Variants in EPHA6 observed in about 807,000 individuals in gnomAD.
EPHA6 encodes ephrin type-A receptor 6.
Under a neutral mutation model 112.0 loss-of-function variants are expected in EPHA6, and 50 were observed. That is an observed-to-expected ratio of 0.45 (90% CI 0.36 to 0.56). EPHA6 has a LOEUF of 0.56. Among genes scored for constraint, EPHA6 ranks in the 20% least tolerant of loss-of-function variants. The pLI is 0.00. For missense variants in EPHA6, 1,280 were observed against 1,417.4 expected (o/e 0.90, Z 1.56); for synonymous variants, 529 against 490.7 (o/e 1.08, Z -1.03).
chr3:97,223,298 T>C (rs1396564664), intron 3 of EPHA6, among the ~76,000 whole-genome samples: 1 of 152,198 alleles, frequency 6.6e-6, no homozygotes, highest in Non-Finnish European at 1.5e-5. Flanking sequence ...TGAAGTTCTT[T>C]GGAGTGGGGA....
At chr3:97,356,413 A>G (rs905958585) in intron 5 of EPHA6, among the ~76,000 whole-genome samples, 4 of 152,210 alleles carry the variant, frequency 2.6e-5, no homozygotes, top group Non-Finnish European at 5.9e-5. Context: ...CCCCCATTCC[A>G]TGGAAAAATT....
At chr3:96,875,964 A>G (rs1341389390) in intron 2 of EPHA6, among the ~76,000 whole-genome samples, 4 of 151,428 alleles carry the variant, frequency 2.6e-5, no homozygotes. Flanking sequence ...AATATAAACT[A>G]AGATTCTGAT....
chr3:97,614,298 C>T (rs1412822363), intron 13 of EPHA6, among the ~76,000 whole-genome samples: 1 of 149,884 alleles, frequency 6.7e-6, no homozygotes, highest in Non-Finnish European at 1.5e-5. Context: ...GGTTTCAGTG[C>T]AAGATGGTGT....
chr3:96,982,432 A>G (rs1040012499), intron 2 of EPHA6, among the ~76,000 whole-genome samples: 6 of 152,164 alleles, frequency 3.9e-5, no homozygotes, highest in African/African-American at 1.4e-4. Context: ...GTTTGTTATA[A>G]TTTCTGTTCT....
At chr3:96,906,318 T>C (rs114477277) in intron 2 of EPHA6, among the ~76,000 whole-genome samples, 2 of 152,120 alleles carry the variant, frequency 1.3e-5, no homozygotes, top group African/African-American at 4.8e-5. Flanking sequence ...AACACTGTTA[T>C]GTGAAATGGG....
At chr3:97,533,390 A>G (rs1185823904) in intron 11 of EPHA6, among the ~76,000 whole-genome samples, 1 of 152,102 alleles carries the variant, frequency 6.6e-6, no homozygotes, top group Non-Finnish European at 1.5e-5. Flanking sequence ...CTTACTAAAG[A>G]GGTGCAATTG....
At chr3:97,600,370 T>A (rs1420099960) in intron 12 of EPHA6, among the ~76,000 whole-genome samples, 1 of 150,602 alleles carries the variant, frequency 6.6e-6, no homozygotes, top group Non-Finnish European at 1.5e-5. Context: ...TGCTTCCAGT[T>A]TTTGCCCATT....
chr3:97,459,035 A>T (rs536582593), intron 7 of EPHA6, among the ~76,000 whole-genome samples: 3 of 152,330 alleles, frequency 2.0e-5, no homozygotes, highest in African/African-American at 7.2e-5. Context: ...GAAAGCTGCC[A>T]AAAGGTAACG....
chr3:97,179,761 C>CTT (rs1214540454), intron 3 of EPHA6, among the ~76,000 whole-genome samples: 81 of 142,762 alleles, frequency 5.7e-4, no homozygotes, highest in East Asian at 2.4e-3. Context: ...CTCTCTCTCT[C>CTT]CTGAACCACT....
At chr3:97,497,562 T>C (rs934827945) in intron 10 of EPHA6, among the ~76,000 whole-genome samples, 1 of 152,186 alleles carries the variant, frequency 6.6e-6, no homozygotes, top group Admixed American at 6.6e-5. Flanking sequence ...ATTGTCTGTC[T>C]TCCCTTTCTC....
chr3:97,506,810 T>C (rs187610097), intron 10 of EPHA6, among the ~76,000 whole-genome samples: 25 of 152,340 alleles, frequency 1.6e-4, no homozygotes, highest in Admixed American at 7.2e-4. Flanking sequence ...GAGCATGGAA[T>C]GTTTTTCCAT....
chr3:97,019,542 T>A (rs1246780655), intron 3 of EPHA6, among the ~76,000 whole-genome samples: 2 of 152,188 alleles, frequency 1.3e-5, no homozygotes, highest in African/African-American at 2.4e-5. Context: ...CCTCATTTCC[T>A]TCTCACTGTG....
At chr3:97,078,472 G>A (rs940417045) in intron 3 of EPHA6, among the ~76,000 whole-genome samples, 2 of 152,108 alleles carry the variant, frequency 1.3e-5, no homozygotes. Flanking sequence ...CCTTGCCCAT[G>A]CCTATGTCCT....
intron 3 of EPHA6, among the ~76,000 whole-genome samples, chr3:97,053,940 G>T (rs1271548885): frequency 1.3e-5 from 2 of 151,936 alleles, no homozygotes; most frequent in African/African-American, 2.4e-5. Context: ...ATCTTCCCTT[G>T]TGTTTCACCT....
intron 14 of EPHA6, among the ~76,000 whole-genome samples, chr3:97,662,946 C>T (rs550873589): frequency 6.6e-6 from 1 of 152,196 alleles, no homozygotes; most frequent in Non-Finnish European, 1.5e-5. Context: ...CTGGAACTCA[C>T]TTTCCCTGCA....
intron 3 of EPHA6, among the ~76,000 whole-genome samples, chr3:97,118,376 A>G (rs2047952713): frequency 6.6e-6 from 1 of 151,822 alleles, no homozygotes; most frequent in African/African-American, 2.4e-5. Flanking sequence ...TTATTTGGAA[A>G]ACACCTTAAA....
At chr3:97,659,125 A>C (rs73134955) in intron 14 of EPHA6, among the ~76,000 whole-genome samples, 5 of 152,048 alleles carry the variant, frequency 3.3e-5, no homozygotes, top group African/African-American at 1.2e-4. Context: ...AGTTTCCCAG[A>C]CTTAAATTGG....
intron 1 of EPHA6, among the ~76,000 whole-genome samples, chr3:96,822,154 A>G (rs2033308190): frequency 6.6e-6 from 1 of 151,958 alleles, no homozygotes; most frequent in African/African-American, 2.4e-5. Flanking sequence ...TTTTACAAAC[A>G]TGTTCATATG....
intron 10 of EPHA6, among the ~76,000 whole-genome samples, chr3:97,516,425 G>A (rs1035215512): frequency 6.6e-6 from 1 of 152,200 alleles, no homozygotes; most frequent in Non-Finnish European, 1.5e-5. Flanking sequence ...TTTGAAACTT[G>A]TAAGTTTTCT....
Sources: allele counts gnomAD v4.1 joint callset (sites outside exome capture counted in the v4.1 genomes callset), GRCh38; gene constraint gnomAD v4.1.1; transcripts MANE v1.5; gene names NCBI Gene and HGNC (gene_info 2026-07-23, HGNC 2026-07-21).